The following ARL8B variants were observed in gnomAD, a reference collection of about 807,000 sequenced individuals.
ARL8B encodes ADP-ribosylation factor-like protein 8B.
In ARL8B, 9 loss-of-function variants were observed where a neutral mutation model predicts 30.6. That is an observed-to-expected ratio of 0.29 (90% CI 0.18 to 0.51). ARL8B has a LOEUF of 0.51. Among genes scored for constraint, ARL8B ranks in the 20% least tolerant of loss-of-function variants. The probability of loss-of-function intolerance (pLI) is 0.97; values close to 1 mark genes in which losing one functional copy is unlikely to be tolerated. For synonymous variants in ARL8B, 74 were observed against 76.0 expected (o/e 0.97, Z 0.14); for missense variants, 130 against 227.2 (o/e 0.57, Z 2.75).
At chr3:5,169,442 A>AT (rs1159182329) in intron 1 of ARL8B, among the ~76,000 whole-genome samples, 1 of 151,644 alleles carries the variant, frequency 6.6e-6, no homozygotes, top group Non-Finnish European at 1.5e-5. Flanking sequence ...TGATAATTCT[A>AT]TTTTTAGGTT....
chr3:5,177,409 G>A (rs900561272), intron 6 of ARL8B, among the ~76,000 whole-genome samples: 12 of 151,438 alleles, frequency 7.9e-5, no homozygotes, highest in Admixed American at 5.9e-4. Flanking sequence ...TTTAGGATAT[G>A]AACTTCTATC....
chr3:5,124,256 ATTTTTTTTTT>A (rs35897178), intron 1 of ARL8B, among the ~76,000 whole-genome samples: 1,954 of 105,684 alleles, frequency 0.018, 39 homozygotes, highest in South Asian at 0.04. Context: ...AATACCACTA[ATTTTTTTTTT>A]TTTTTTTTTT....
intron 1 of ARL8B, among the ~76,000 whole-genome samples, chr3:5,131,702 T>TA (rs1226981647): frequency 1.3e-5 from 2 of 152,166 alleles, no homozygotes; most frequent in African/African-American, 4.8e-5. Flanking sequence ...ACCCGTTTCT[T>TA]AAAAATATTA....
intron 1 of ARL8B, among the ~76,000 whole-genome samples, chr3:5,154,922 T>G (rs888636099): frequency 5.9e-5 from 9 of 152,110 alleles, no homozygotes; most frequent in African/African-American, 2.2e-4. Context: ...TAAAGTAGAC[T>G]TGTGTTTTCA....
At position 5,178,802 on chromosome 3, in the gene ARL8B, T is replaced by A. The variant is rs775243372; in HGVS notation, c.*89T>A. ...GAAGTAATTCCCAGAATACGGTCCT[T>A]CCTAAACCCCAGAAATTGCCTTTTT... is the stretch of plus-strand genomic sequence containing the variant. On this transcript the variant is annotated 3_prime_UTR_variant, in exon 7 of 7. Coordinates refer to ENST00000256496, the MANE Select transcript of ARL8B (RefSeq NM_018184.3). The A allele has an allele frequency of 6.3e-7, 1 of 1,590,446 alleles. No homozygotes were observed. Among genetic ancestry groups the A allele is most frequent in the African/African-American group, 1.3e-5 (1 of 74,122 alleles).
chr3:5,124,315 A>C (rs1485132960), intron 1 of ARL8B, among the ~76,000 whole-genome samples: 3 of 125,924 alleles, frequency 2.4e-5, no homozygotes, highest in Non-Finnish European at 4.7e-5. Context: ...CTATGTTGCC[A>C]GGCCAGCCTT....
intron 6 of ARL8B, among the ~76,000 whole-genome samples, chr3:5,176,470 A>G (rs1212968366): frequency 6.6e-6 from 1 of 152,104 alleles, no homozygotes; most frequent in African/African-American, 2.4e-5. Context: ...ACCTCAGGTG[A>G]TGCACCTGCC....
In ARL8B at chr3:5,122,305, G is replaced by T; in HGVS notation, c.-161G>T. The T allele has an allele frequency of 6.6e-7, 1 of 1,510,314 alleles. No individual in the cohort carries two copies. Among genetic ancestry groups the T allele is most frequent in the Non-Finnish European group, 8.8e-7 (1 of 1,130,378 alleles). 93.6% of individuals were successfully genotyped at this position (1,510,314 alleles called of 1,614,324 possible). ...GTAGGGCGAGTCATATGATCCGCTC[G>T]GCTTCCTGGGTCTGGCTGCTGCCGC... On this transcript the variant is annotated 5_prime_UTR_variant, in exon 1 of 7. Coordinates refer to ENST00000256496, the MANE Select transcript of ARL8B (RefSeq NM_018184.3).
chr3:5,164,316 G>A (rs2054606431), intron 1 of ARL8B, among the ~76,000 whole-genome samples: 1 of 152,154 alleles, frequency 6.6e-6, no homozygotes, highest in Non-Finnish European at 1.5e-5. Flanking sequence ...ACTGTAGTAG[G>A]TAATAGGTGG....
intron 1 of ARL8B, among the ~76,000 whole-genome samples, chr3:5,139,508 A>G (rs532693367): frequency 1.8e-4 from 27 of 152,320 alleles, no homozygotes; most frequent in African/African-American, 6.0e-4. Context: ...CACATTTATA[A>G]GTTTTTTTAT....
At chr3:5,143,590 A>T (rs898321784) in intron 1 of ARL8B, among the ~76,000 whole-genome samples, 4 of 152,186 alleles carry the variant, frequency 2.6e-5, no homozygotes, top group Non-Finnish European at 5.9e-5. Flanking sequence ...ACTTGAGTAC[A>T]GTGAGTCCAC....
intron 1 of ARL8B, among the ~76,000 whole-genome samples, chr3:5,123,164 C>G (rs1234473493): frequency 6.6e-6 from 1 of 152,140 alleles, no homozygotes; most frequent in East Asian, 1.9e-4. Context: ...GCGCGGAGAC[C>G]AAGCTCATTG....
intron 4 of ARL8B, among the ~76,000 whole-genome samples, chr3:5,173,458 C>G (rs934334398): frequency 1.6e-4 from 24 of 152,130 alleles, no homozygotes; most frequent in Admixed American, 1.6e-3. Flanking sequence ...AGAATGCCGC[C>G]GGGCGCGGTG....
intron 4 of ARL8B, among the ~76,000 whole-genome samples, chr3:5,173,015 A>G (rs940521583): frequency 1.3e-5 from 2 of 152,224 alleles, no homozygotes; most frequent in Non-Finnish European, 2.9e-5. Flanking sequence ...ACTCCTTGCC[A>G]TCATGGACCT....
At chr3:5,168,545 A>G (rs6792139) in intron 1 of ARL8B, among the ~76,000 whole-genome samples, 44 of 152,362 alleles carry the variant, frequency 2.9e-4, no homozygotes, top group African/African-American at 1.0e-3. Flanking sequence ...AAAGAGATAA[A>G]TGAACCCCTG....
In ARL8B at chr3:5,172,201, T is replaced by C. The variant is rs751027401; in HGVS notation, c.256T>C (p.Cys86Arg). 6.2e-7 allele frequency: 1 copy of C among 1,613,628 alleles called. No homozygotes were observed. Among genetic ancestry groups the C allele is most frequent in the South Asian group, 1.1e-5 (1 of 90,988 alleles). Residue 86 changes from cysteine to arginine, a missense_variant, in exon 3 of 7, where the codon TGC becomes CGC. By Grantham distance (180) the Cys-to-Arg change is radical. Coordinates refer to ENST00000256496, the MANE Select transcript of ARL8B (RefSeq NM_018184.3). ...ATTTCGAAGCATGTGGGAGCGGTAT[T>C]GCAGAGGAGTCAATGCTATTGTGTA... ...PRFRSMWERY[C>R]RGVNAIVYMI...
chr3:5,128,180 AAAAG>A (rs1298656883), intron 1 of ARL8B, among the ~76,000 whole-genome samples: 2 of 151,892 alleles, frequency 1.3e-5, no homozygotes, highest in African/African-American at 2.4e-5. Flanking sequence ...AAAAAAAAAA[AAAAG>A]CAGAAATAAT....
chr3:5,143,753 T>G (rs1158712616), intron 1 of ARL8B, among the ~76,000 whole-genome samples: 2 of 152,186 alleles, frequency 1.3e-5, no homozygotes, highest in African/African-American at 4.8e-5. Flanking sequence ...GAGGAAGAGT[T>G]TGAGTCAGAA....
At chr3:5,146,951 C>T (rs548764864) in intron 1 of ARL8B, among the ~76,000 whole-genome samples, 16 of 152,168 alleles carry the variant, frequency 1.1e-4, no homozygotes, top group African/African-American at 3.9e-4. Context: ...CCTAGTGGGA[C>T]CTACTCAGAA....
Sources: gnomAD v4.1 joint callset for allele counts (sites outside exome capture counted in the v4.1 genomes callset) on GRCh38, gnomAD v4.1.1 for gene constraint, MANE v1.5 for transcripts, NCBI Gene and HGNC (gene_info 2026-07-23, HGNC 2026-07-21) for gene names.